The following SPG7 variants were observed in gnomAD, a reference collection of about 807,000 sequenced individuals.
SPG7 encodes SPG7 matrix AAA peptidase subunit, paraplegin.
Under a neutral mutation model 81.9 loss-of-function variants are expected in SPG7, and 103 were observed. The observed-to-expected ratio is 1.26, with a 90% CI of 1.07 to 1.48. The LOEUF is 1.48. SPG7 is among the 40% of genes most tolerant of loss of function. The pLI, the probability that SPG7 is intolerant of heterozygous loss-of-function variation, is 0.00. For missense variants in SPG7, 1,241 were observed against 1,087.3 expected, an observed-to-expected ratio of 1.14 and a Z score of -1.99; for synonymous variants, 534 against 444.2, an observed-to-expected ratio of 1.20 and a Z score of -2.54.
chr16:89,512,967 C>T lies in SPG7; in HGVS notation c.306C>T (p.Asn102=), dbSNP rs147397994. The part of the protein sequence containing the change: ...WQLLGGTFYF[N]TSRLKQKNKE... Reference sequence around the variant, plus strand: ...TCATAGGTGGTACTTTCTATTTTAACACCTCAAGGTTGAAGCAGAAGAATA... The same window carrying T: ...TCATAGGTGGTACTTTCTATTTTAATACCTCAAGGTTGAAGCAGAAGAATA... The change falls in exon 3 of 17, where the codon AAC becomes AAT. Residue 102 remains asparagine (N), a synonymous_variant. Transcript: ENST00000645818. 6.3e-5 allele frequency: 101 copies of T among 1,613,240 alleles called. No individual in the cohort carries two copies. The highest frequency in any genetic ancestry group is 2.2e-5 in the East Asian group (1 of 44,880).
chr16:89,510,697 T>C, intron 2 of SPG7, 105 bp downstream of exon 2: 1 of 749,084 alleles, frequency 1.3e-6, no homozygotes, highest in African/African-American at 1.7e-5. Flanking sequence ...TCTCGCCCTG[T>C]TGCACGGGCT....
chr16:89,532,122 C>T (rs1354695777), intron 8 of SPG7, 56 bp downstream of exon 8: 2 of 1,559,620 alleles, frequency 1.3e-6, no homozygotes, highest in Non-Finnish European at 1.8e-6. Context: ...TGGCTCCTTT[C>T]ACACATCCTT....
chr16:89,523,871 G>T lies in SPG7; in HGVS notation c.377-135G>T, dbSNP rs570443660. On this transcript the variant is annotated intron_variant, in intron 3 of 16. Coordinates refer to ENST00000645818, the MANE Select transcript of SPG7 (RefSeq NM_003119.4). Reference sequence around the variant, plus strand: ...TCTCTGATAACGTCAGGGAAGAATTGGAGGAAGTGCAGGATCTTCTGTGCA... The same window carrying T: ...TCTCTGATAACGTCAGGGAAGAATTTGAGGAAGTGCAGGATCTTCTGTGCA... 8.1e-6 allele frequency: 9 copies of T among 1,113,590 alleles called. No individual in the cohort carries two copies. The South Asian group carries it at 1.2e-4, about 15-fold the overall frequency. 69.0% of individuals were successfully genotyped at this position (1,113,590 alleles called of 1,614,324 possible).
chr16:89,548,718 GGA>G (rs1188144734), intron 12 of SPG7: 1 of 353,154 alleles, frequency 2.8e-6, no homozygotes, highest in Admixed American at 3.7e-5. Flanking sequence ...ACGTCTGTGA[GGA>G]GAGAGGACCA....
chr16:89,557,304 G>A lies in SPG7; in HGVS notation c.*211G>A, dbSNP rs538468102. ...TGACGGAGTCCTGTGTTTGTGAGTC[G>A]TTTCCCCTATGGGGAAGGTTATCAG... On this transcript the variant is annotated 3_prime_UTR_variant, in exon 17 of 17. Transcript: ENST00000645818. 69 of 585,406 alleles carry A rather than the reference G, an allele frequency of 1.2e-4. 1 individual carries two copies. Among genetic ancestry groups the A allele is most frequent in the South Asian group, 9.0e-4 (45 of 49,800 alleles). The allele number at this position is 585,406 out of a possible 1,614,324, so 36.3% of individuals were successfully genotyped here.
chr16:89,521,962 A>G (rs1275719578), intron 3 of SPG7: 2 of 152,168 alleles, frequency 1.3e-5, no homozygotes, highest in East Asian at 1.9e-4. Context: ...GGGCAGCTAG[A>G]GTAGCTGCTG....
At chr16:89,510,690 C>T (rs1226173395) in intron 2 of SPG7, 98 bp downstream of exon 2, 12 of 773,932 alleles carry the variant, frequency 1.6e-5, no homozygotes, top group East Asian at 5.2e-5. Flanking sequence ...GACGGGATCT[C>T]GCCCTGTTGC....
At chr16:89,512,154 A>G (rs955019333) in intron 2 of SPG7, among the ~76,000 whole-genome samples, 9 of 152,022 alleles carry the variant, frequency 5.9e-5, no homozygotes, top group African/African-American at 1.9e-4. Flanking sequence ...CTCGTGATCC[A>G]CCCGACTCGG....
chr16:89,549,958 C>G (rs540361526), intron 12 of SPG7: 7 of 208,798 alleles, frequency 3.4e-5, no homozygotes, highest in African/African-American at 1.2e-4. Flanking sequence ...GCAGCAGGAG[C>G]TATTTCGATG....
intron 9 of SPG7, chr16:89,543,034 A>G (rs2460453): frequency 0.55 from 77,865 of 142,856 alleles, 20,765 homozygotes; most frequent in Admixed American, 0.58. Context: ...TGCAAGCTCC[A>G]CCCTTCAGGT....
chr16:89,554,438 G>A (rs1459792795), intron 15 of SPG7, 48 bp from the exon 16 acceptor site: 2 of 1,324,524 alleles, frequency 1.5e-6, no homozygotes, highest in Admixed American at 3.4e-5. Context: ...TTTGGTGCTG[G>A]AGCCAGGCGG....
chr16:89,553,798 A>G lies in SPG7; in HGVS notation c.1941A>G (p.Ala647=). Reference sequence around the variant, plus strand: ...TGTCTCGACCCCGCCCTCCAGGGGCACAGGACGACCTGAGGAAGGTCACCC... The same window carrying G: ...TGTCTCGACCCCGCCCTCCAGGGGCGCAGGACGACCTGAGGAAGGTCACCC... ...ALSFNEVTSG[A]QDDLRKVTRI... The change falls in exon 15 of 17, where the codon GCA becomes GCG. Residue 647 remains alanine (A), a synonymous_variant. Transcript: ENST00000645818. 1 of 1,613,440 alleles carries G rather than the reference A, an allele frequency of 6.2e-7. No homozygotes were observed. The highest frequency in any genetic ancestry group is 8.5e-7 in the Non-Finnish European group (1 of 1,180,002).
intron 7 of SPG7, 35 bp downstream of exon 7, chr16:89,530,843 C>T: frequency 6.2e-7 from 1 of 1,612,916 alleles, no homozygotes; most frequent in Non-Finnish European, 8.5e-7. Flanking sequence ...GAGGTGTGAG[C>T]AGAGGCCGGC....
chr16:89,547,269 G>A (rs2058576047), intron 11 of SPG7: 1 of 192,858 alleles, frequency 5.2e-6, no homozygotes, highest in African/African-American at 2.3e-5. Flanking sequence ...TCTTTCACTA[G>A]AATTTTGTGG....
intron 7 of SPG7, 101 bp from the exon 8 acceptor site, chr16:89,531,803 C>A: frequency 8.5e-7 from 1 of 1,175,164 alleles, no homozygotes; most frequent in South Asian, 1.3e-5. Context: ...TCATGGCACC[C>A]ACTGCACTCC....
At position 89,531,921 on chromosome 16, in the gene SPG7, C is replaced by G; in HGVS notation, c.1005C>G (p.Leu335=). The G allele has an allele frequency of 6.2e-7, 1 of 1,614,128 alleles. No individual in the cohort carries two copies. Among genetic ancestry groups the G allele is most frequent in the Non-Finnish European group, 8.5e-7 (1 of 1,179,960 alleles). Residue 335 remains leucine (L), a synonymous_variant, in exon 8 of 17, where the codon CTC becomes CTG. Coordinates refer to ENST00000645818, the MANE Select transcript of SPG7 (RefSeq NM_003119.4). ...CCGTCCAGAGCCCAGAACGCTTCCT[C>G]CAGCTTGGCGCCAAGGTCCCAAAGG... ...VDYLKSPERF[L]QLGAKVPKGA...
At position 89,529,516 on chromosome 16, in the gene SPG7, C is replaced by A; in HGVS notation, c.798C>A (p.Ala266=). ...TGGGGATGACGGCAGTGGGCCTGGC[C>A]ATCCTGTGGTATGTTTTCCGTCTGG... is the stretch of plus-strand genomic sequence containing the variant. ...YSVGMTAVGL[A]ILWYVFRLAG... Residue 266 remains alanine (A), a synonymous_variant, in exon 6 of 17, where the codon GCC becomes GCA. Coordinates refer to ENST00000645818, the MANE Select transcript of SPG7 (RefSeq NM_003119.4). 1.2e-6 allele frequency: 2 copies of A among 1,613,972 alleles called. No individual in the cohort carries two copies. Among genetic ancestry groups the A allele is most frequent in the Non-Finnish European group, 1.7e-6 (2 of 1,179,908 alleles).
chr16:89,532,131 T>G, intron 8 of SPG7, 65 bp downstream of exon 8: 3 of 1,537,110 alleles, frequency 2.0e-6, no homozygotes, highest in Non-Finnish European at 2.7e-6. Flanking sequence ...TCACACATCC[T>G]TCCTCTGGTG....
intron 3 of SPG7, among the ~76,000 whole-genome samples, chr16:89,515,213 G>A (rs895322731): frequency 7.9e-5 from 12 of 151,392 alleles, no homozygotes; most frequent in African/African-American, 2.9e-4. Context: ...TGGGATTACA[G>A]GAGTGGGCCA....
Sources: allele counts gnomAD v4.1 joint callset (sites outside exome capture counted in the v4.1 genomes callset), GRCh38; gene constraint gnomAD v4.1.1; transcripts MANE v1.5; gene names NCBI Gene and HGNC (gene_info 2026-07-23, HGNC 2026-07-21).